Variants in TRIM67 observed in about 807,000 individuals in gnomAD.
The protein encoded by TRIM67 is tripartite motif containing 67.
TRIM67 carries 39 observed loss-of-function variants against 71.0 expected under a neutral mutation model. The ratio of observed to expected loss-of-function variants is 0.55; its 90% CI spans 0.43 to 0.72. The LOEUF is 0.72. Ranked by LOEUF, TRIM67 falls within the 30% of genes least tolerant of loss-of-function variation. TRIM67 has a pLI of 0.00. For synonymous variants in TRIM67, 481 were observed against 473.9 expected (o/e 1.01, Z -0.19); for missense variants, 973 against 1,079.2 (o/e 0.90, Z 1.38).
At chr1:231,200,693 TC>T (rs149363202) in intron 4 of TRIM67, among the ~76,000 whole-genome samples, 1 of 152,272 alleles carries the variant, frequency 6.6e-6, no homozygotes, top group Non-Finnish European at 1.5e-5. Flanking sequence ...TCAGGCTGAC[TC>T]AGGGTCATGA....
intron 5 of TRIM67, among the ~76,000 whole-genome samples, chr1:231,202,269 C>T (rs374940941): frequency 8.2e-4 from 3 of 3,672 alleles, no homozygotes; most frequent in East Asian, 0.011. Flanking sequence ...GAGGTGGTGG[C>T]GGAGGAGGAG....
intron 3 of TRIM67, among the ~76,000 whole-genome samples, chr1:231,199,899 A>G (rs965952614): frequency 6.6e-6 from 1 of 152,190 alleles, no homozygotes; most frequent in Non-Finnish European, 1.5e-5. Context: ...CTGCATGACT[A>G]TCATGAGTTT....
intron 2 of TRIM67, among the ~76,000 whole-genome samples, chr1:231,198,134 A>G (rs1683418357): frequency 6.6e-6 from 1 of 152,212 alleles, no homozygotes; most frequent in Non-Finnish European, 1.5e-5. Flanking sequence ...TTGTGGCCGA[A>G]TATGCCCATG....
chr1:231,182,174 CTT>C (rs747489111), intron 1 of TRIM67, among the ~76,000 whole-genome samples: 2 of 152,186 alleles, frequency 1.3e-5, no homozygotes, highest in Non-Finnish European at 2.9e-5. Flanking sequence ...TCCCTGTCAT[CTT>C]GCCCGATTAA....
chr1:231,218,270 T>C lies in TRIM67; in HGVS notation c.*2830T>C. ...ACGTTACATCATGGTGGCACATTTGTACATACATATAAATGATATCAAGAT... is the reference window on the plus strand; with the variant it reads ...ACGTTACATCATGGTGGCACATTTGCACATACATATAAATGATATCAAGAT... On this transcript the variant is annotated 3_prime_UTR_variant, in exon 10 of 10. Transcript: ENST00000366653. The C allele has an allele frequency of 1.0e-6, 1 of 992,676 alleles. No individual in the cohort carries two copies. Among genetic ancestry groups the C allele is most frequent in the Non-Finnish European group, 1.2e-6 (1 of 834,304 alleles). 61.5% of individuals were successfully genotyped at this position (992,676 alleles called of 1,614,324 possible).
chr1:231,203,210 A>C (rs866177449), intron 5 of TRIM67, among the ~76,000 whole-genome samples: 2 of 152,218 alleles, frequency 1.3e-5, no homozygotes, highest in African/African-American at 4.8e-5. Flanking sequence ...GCCTGAATAG[A>C]GCTAGAAAAT....
At chr1:231,212,426 A>T (rs1030480138) in intron 8 of TRIM67, among the ~76,000 whole-genome samples, 2 of 152,108 alleles carry the variant, frequency 1.3e-5, no homozygotes, top group Non-Finnish European at 2.9e-5. Context: ...CTCCTTACGG[A>T]AGGGGGTTAG....
intron 1 of TRIM67, among the ~76,000 whole-genome samples, chr1:231,169,124 T>C (rs1222834961): frequency 6.6e-6 from 1 of 152,184 alleles, no homozygotes. Flanking sequence ...ATGGCGCTAC[T>C]CAGCTCACTG....
chr1:231,177,047 A>T (rs1682773238), intron 1 of TRIM67, among the ~76,000 whole-genome samples: 1 of 152,156 alleles, frequency 6.6e-6, no homozygotes, highest in Non-Finnish European at 1.5e-5. Flanking sequence ...AAGGGCAGGG[A>T]TATGGACTTA....
chr1:231,209,239 C>G lies in TRIM67; in HGVS notation c.2112C>G (p.Ser704=). 1.3e-6 allele frequency: 2 copies of G among 1,551,624 alleles called. No individual in the cohort carries two copies. The highest frequency in any genetic ancestry group is 1.7e-4 in the Middle Eastern group (1 of 5,778). The change falls in exon 8 of 10, where the codon TCC becomes TCG. Residue 704 remains serine (S), a synonymous_variant. Coordinates refer to ENST00000366653, the MANE Select transcript of TRIM67 (RefSeq NM_001004342.5). This position sits in a 1 kb window ranked among gnomAD's most constrained non-coding sequence, Gnocchi z 4.1. The stretch of plus-strand genomic sequence containing the variant: ...GCAGCTGGTTCATGCACTGCAACTC[C>G]CACACCAACAGGTGCGATTGGGCCC... The part of the protein sequence containing the change: ...NNRSWFMHCN[S]HTNRTEGGVC...
At chr1:231,184,861 A>T in intron 1 of TRIM67, 2 of 668,194 alleles carry the variant, frequency 3.0e-6, no homozygotes, top group Non-Finnish European at 5.0e-6. Flanking sequence ...CCCAATTCAC[A>T]CGTGAGGACA....
chr1:231,162,696 G>T lies in TRIM67; in HGVS notation c.-274G>T, dbSNP rs1299711275. The T allele has an allele frequency of 4.4e-6, 2 of 450,384 alleles. No individual in the cohort carries two copies. Among genetic ancestry groups the T allele is most frequent in the Non-Finnish European group, 7.8e-6 (2 of 254,970 alleles). The allele number at this position is 450,384 out of a possible 1,614,324, so 27.9% of individuals were successfully genotyped here. On this transcript the variant is annotated 5_prime_UTR_variant, in exon 1 of 10. Coordinates refer to ENST00000366653, the MANE Select transcript of TRIM67 (RefSeq NM_001004342.5). ...CAGGCCACCGCGAGGGCAGCCGACC[G>T]GCTCCGGAATCTGGCCGCAGGTTGA...
Position 231,219,526 on chromosome 1 carries a change from G to A in TRIM67, c.*4086G>A. Reference sequence around the variant, plus strand: ...CAGGGGGCAGGTAGGGGAAAATGGGGTGAGCCACCTCCAACAGATGCCAAC... The same window carrying A: ...CAGGGGGCAGGTAGGGGAAAATGGGATGAGCCACCTCCAACAGATGCCAAC... On this transcript the variant is annotated 3_prime_UTR_variant, in exon 10 of 10. Coordinates refer to ENST00000366653, the MANE Select transcript of TRIM67 (RefSeq NM_001004342.5). 1.9e-6 allele frequency: 2 copies of A among 1,072,394 alleles called. No homozygotes were observed. The highest frequency in any genetic ancestry group is 2.3e-6 in the Non-Finnish European group (2 of 882,274). The allele number at this position is 1,072,394 out of a possible 1,614,324, so 66.4% of individuals were successfully genotyped here.
At position 231,218,355 on chromosome 1, in the gene TRIM67, T is replaced by C. The variant is rs1162607529; in HGVS notation, c.*2915T>C. On this transcript the variant is annotated 3_prime_UTR_variant, in exon 10 of 10. Coordinates refer to ENST00000366653, the MANE Select transcript of TRIM67 (RefSeq NM_001004342.5). ...GTGTAAATCTATCAAGCAGTTTCAG[T>C]GAAAAAGGAATTCAAAGTAGTTTAA... is the stretch of plus-strand genomic sequence containing the variant. The C allele has an allele frequency of 1.0e-6, 1 of 985,960 alleles. No homozygotes were observed. The highest frequency in any genetic ancestry group is 1.2e-6 in the Non-Finnish European group (1 of 830,388). The allele number at this position is 985,960 out of a possible 1,614,324, so 61.1% of individuals were successfully genotyped here.
intron 1 of TRIM67, among the ~76,000 whole-genome samples, chr1:231,178,600 C>T (rs1168367112): frequency 6.6e-6 from 1 of 152,232 alleles, no homozygotes; most frequent in Non-Finnish European, 1.5e-5. Context: ...CCTAATTGAG[C>T]TCACTGGCCC....
In TRIM67 at chr1:231,217,988, C is replaced by T. The variant is rs1684057487; in HGVS notation, c.*2548C>T. The T allele has an allele frequency of 8.2e-7, 1 of 1,222,218 alleles. No homozygotes were observed. The highest frequency in any genetic ancestry group is 3.0e-5 in the Admixed American group (1 of 33,400). 75.7% of individuals were successfully genotyped at this position (1,222,218 alleles called of 1,614,324 possible). On this transcript the variant is annotated 3_prime_UTR_variant, in exon 10 of 10. Coordinates refer to ENST00000366653, the MANE Select transcript of TRIM67 (RefSeq NM_001004342.5). ...TCCCTTTTCTGACTCCTCCAGGAGC[C>T]CAGAAGCAATACGGCCGATGCCAGG...
chr1:231,216,481 C>T lies in TRIM67; in HGVS notation c.*1041C>T. 2 of 985,514 alleles carry T rather than the reference C, an allele frequency of 2.0e-6. No individual in the cohort carries two copies. Among genetic ancestry groups the T allele is most frequent in the Non-Finnish European group, 2.4e-6 (2 of 829,964 alleles). The allele number at this position is 985,514 out of a possible 1,614,324, so 61.0% of individuals were successfully genotyped here. A position where few individuals can be genotyped will look rare whatever the true frequency, so the allele number is the denominator to read the frequency against. Reference sequence around the variant, plus strand: ...ATCCAGATTGCTCTTCTGAGCTGAACCACTCTCAGACTCATAAGCATTTAA... The same window carrying T: ...ATCCAGATTGCTCTTCTGAGCTGAATCACTCTCAGACTCATAAGCATTTAA... On this transcript the variant is annotated 3_prime_UTR_variant, in exon 10 of 10. Coordinates refer to ENST00000366653, the MANE Select transcript of TRIM67 (RefSeq NM_001004342.5).
chr1:231,171,805 A>G (rs1467307925), intron 1 of TRIM67, among the ~76,000 whole-genome samples: 1 of 152,170 alleles, frequency 6.6e-6, no homozygotes. Context: ...GATTTTGCAA[A>G]AAAACAAGTC....
chr1:231,185,192 C>T (rs1319324423), intron 1 of TRIM67: 1 of 1,532,918 alleles, frequency 6.5e-7, no homozygotes, highest in African/African-American at 1.4e-5. Flanking sequence ...ATTCCTGCAC[C>T]TTCCACCCTT....
Sources: allele counts gnomAD v4.1 joint callset (sites outside exome capture counted in the v4.1 genomes callset), GRCh38; gene constraint gnomAD v4.1.1; non-coding constraint Gnocchi (gnomAD v3.1); transcripts MANE v1.5; gene names NCBI Gene and HGNC (gene_info 2026-07-23, HGNC 2026-07-21).